GDPD5: variants seen among roughly 807,000 people sequenced by gnomAD.
GDPD5 encodes the protein glycerophosphodiester phosphodiesterase 2.
GDPD5 carries 48 observed loss-of-function variants against 75.1 expected under a neutral mutation model. That is an observed-to-expected ratio of 0.64 (90% CI 0.51 to 0.81). GDPD5 has a LOEUF of 0.81. Ranked by LOEUF, GDPD5 falls within the 40% of genes least tolerant of loss-of-function variation. The pLI is 0.00. For missense variants in GDPD5, 706 were observed against 822.6 expected (o/e 0.86, Z 1.73); for synonymous variants, 336 against 339.0 (o/e 0.99, Z 0.10).
At chr11:75,464,497 G>C (rs149762900) in intron 3 of GDPD5, among the ~76,000 whole-genome samples, 2 of 152,306 alleles carry the variant, frequency 1.3e-5, no homozygotes, top group East Asian at 3.9e-4. Context: ...CCCTGGGCAA[G>C]AGGGCTGGTG....
chr11:75,468,683 C>G (rs1317306633), intron 3 of GDPD5, among the ~76,000 whole-genome samples: 1 of 152,118 alleles, frequency 6.6e-6, no homozygotes, highest in Non-Finnish European at 1.5e-5. Context: ...CCCGACGCCC[C>G]CCCCCCGGGA....
chr11:75,509,830 C>A (rs962477339), intron 1 of GDPD5, among the ~76,000 whole-genome samples: 1 of 152,216 alleles, frequency 6.6e-6, no homozygotes, highest in Non-Finnish European at 1.5e-5. Context: ...CAGGCACGCA[C>A]CACCAAGCCC....
chr11:75,457,647 T>TC (rs752622365), intron 5 of GDPD5, 46 bp downstream of exon 5: 7 of 1,524,974 alleles, frequency 4.6e-6, no homozygotes, highest in Non-Finnish European at 6.4e-6. Context: ...CAGTATCCCT[T>TC]CCCCTGGGAG....
chr11:75,479,645 A>G (rs962733989), intron 2 of GDPD5, among the ~76,000 whole-genome samples: 4 of 152,200 alleles, frequency 2.6e-5, no homozygotes, highest in Admixed American at 1.3e-4. Context: ...ATCTAATCCC[A>G]AAACAGTTTC....
intron 1 of GDPD5, among the ~76,000 whole-genome samples, chr11:75,503,901 C>A (rs1458733797): frequency 6.6e-6 from 1 of 152,226 alleles, no homozygotes; most frequent in Non-Finnish European, 1.5e-5. Context: ...GCCCTGAATG[C>A]TGCAGGATTA....
chr11:75,449,334 C>T (rs1464517933), intron 8 of GDPD5, among the ~76,000 whole-genome samples, 183 bp downstream of exon 8: 2 of 152,138 alleles, frequency 1.3e-5, no homozygotes, highest in African/African-American at 4.8e-5. Context: ...AGTGTGAGGC[C>T]GACTGAAGCT....
At chr11:75,461,964 A>G (rs1273883153) in intron 4 of GDPD5, among the ~76,000 whole-genome samples, 1 of 152,182 alleles carries the variant, frequency 6.6e-6, no homozygotes, top group African/African-American at 2.4e-5. Context: ...AGAGGAAAAA[A>G]CAGGTGCCCC....
At chr11:75,441,404 A>AC in intron 13 of GDPD5, 94 bp from the exon 14 acceptor site, 2 of 1,486,456 alleles carry the variant, frequency 1.3e-6, no homozygotes. Context: ...TCACGACCTC[A>AC]CAGCCATGCC....
chr11:75,498,182 G>A (rs780073444), intron 1 of GDPD5, among the ~76,000 whole-genome samples: 5 of 152,194 alleles, frequency 3.3e-5, no homozygotes, highest in Non-Finnish European at 7.3e-5. Context: ...ACAGGAGAGA[G>A]TTAAGGGTGG....
intron 2 of GDPD5, among the ~76,000 whole-genome samples, chr11:75,484,161 C>A (rs554923216): frequency 1.6e-4 from 24 of 152,314 alleles, no homozygotes; most frequent in African/African-American, 5.8e-4. Context: ...GCACTCCAGC[C>A]TGGGCAAGAG....
At chr11:75,514,801 G>A (rs1950602498) in intron 1 of GDPD5, among the ~76,000 whole-genome samples, 1 of 152,248 alleles carries the variant, frequency 6.6e-6, no homozygotes, top group Non-Finnish European at 1.5e-5. Context: ...TCCTGCAGAG[G>A]CATTAAGCAT....
chr11:75,470,701 G>GA (rs903320376), intron 3 of GDPD5, among the ~76,000 whole-genome samples: 8 of 152,180 alleles, frequency 5.3e-5, no homozygotes, highest in Admixed American at 1.3e-4. Context: ...TTTAAAAATA[G>GA]AAAAAAATAC....
At chr11:75,448,918 G>A in intron 9 of GDPD5, 59 bp downstream of exon 9, 5 of 1,498,278 alleles carry the variant, frequency 3.3e-6, no homozygotes, top group Admixed American at 2.5e-5. Context: ...TTCCCAAGAA[G>A]GTCCCCCCCA....
chr11:75,507,822 T>A, intron 1 of GDPD5, among the ~76,000 whole-genome samples: 1 of 151,946 alleles, frequency 6.6e-6, no homozygotes, highest in East Asian at 1.9e-4. Context: ...GGAAAGCAAA[T>A]CAGGCTCTAC....
At chr11:75,468,681 C>T (rs538394575) in intron 3 of GDPD5, among the ~76,000 whole-genome samples, 1 of 151,172 alleles carries the variant, frequency 6.6e-6, no homozygotes, top group Non-Finnish European at 1.5e-5. Flanking sequence ...CCCCCGACGC[C>T]CCCCCCCCGG....
chr11:75,445,441 T>C (rs368805956), intron 9 of GDPD5, among the ~76,000 whole-genome samples: 5 of 152,172 alleles, frequency 3.3e-5, no homozygotes, highest in African/African-American at 1.2e-4. Flanking sequence ...CTTAGGACAG[T>C]TGGGATTCAA....
At chr11:75,464,880 G>A (rs1157691707) in intron 3 of GDPD5, among the ~76,000 whole-genome samples, 1 of 152,100 alleles carries the variant, frequency 6.6e-6, no homozygotes, top group Non-Finnish European at 1.5e-5. Context: ...GCCACCCAGA[G>A]AATGGCTGAG....
intron 3 of GDPD5, among the ~76,000 whole-genome samples, chr11:75,465,379 CT>C (rs1174337273): frequency 6.6e-6 from 1 of 152,192 alleles, no homozygotes; most frequent in Non-Finnish European, 1.5e-5. Flanking sequence ...GAAGACTCCC[CT>C]GTCTCACAGG....
chr11:75,459,498 T>A (rs558107206), intron 4 of GDPD5, among the ~76,000 whole-genome samples: 1 of 152,226 alleles, frequency 6.6e-6, no homozygotes, highest in Admixed American at 6.5e-5. Context: ...GCATGATAGA[T>A]ACTGCTTAGA....
Sources: allele counts gnomAD v4.1 joint callset (sites outside exome capture counted in the v4.1 genomes callset), GRCh38; gene constraint gnomAD v4.1.1; transcripts MANE v1.5; gene names NCBI Gene and HGNC (gene_info 2026-07-23, HGNC 2026-07-21).